Variants in SPART observed in about 807,000 individuals in gnomAD.
SPART encodes spartin, also known as spastic paraplegia 20 (Troyer syndrome).
A neutral mutation model predicts 58.7 loss-of-function variants in SPART; 35 were observed. The ratio of observed to expected loss-of-function variants is 0.60; its 90% confidence interval spans 0.46 to 0.79. The LOEUF (loss-of-function observed/expected upper bound fraction) is 0.79. Ranked by LOEUF, SPART falls within the 30% of genes least tolerant of loss-of-function variation. SPART has a pLI of 0.00. For missense variants in SPART, 730 were observed against 786.1 expected (o/e 0.93, Z 0.85); for synonymous variants, 284 against 280.7 (o/e 1.01, Z -0.12).
intron 8 of SPART, among the ~76,000 whole-genome samples, chr13:36,305,041 C>G (rs1226580124): frequency 6.6e-6 from 1 of 152,120 alleles, no homozygotes; most frequent in Non-Finnish European, 1.5e-5. Context: ...TCTACCTTAA[C>G]CAGACTTTGG....
At chr13:36,359,777 T>C (rs1274290583) in intron 1 of SPART, among the ~76,000 whole-genome samples, 2 of 152,140 alleles carry the variant, frequency 1.3e-5, no homozygotes, top group Non-Finnish European at 2.9e-5. Context: ...TTGGTGACCT[T>C]GGGCAAGTTT....
chr13:36,315,480 A>C (rs1047491044), intron 5 of SPART, among the ~76,000 whole-genome samples: 1 of 152,256 alleles, frequency 6.6e-6, no homozygotes, highest in African/African-American at 2.4e-5. Context: ...ATAAGCATCC[A>C]GCAATCATGT....
intron 8 of SPART, among the ~76,000 whole-genome samples, chr13:36,309,045 C>T (rs1880806159): frequency 6.6e-6 from 1 of 152,080 alleles, no homozygotes; most frequent in African/African-American, 2.4e-5. Context: ...GTGATCAAGA[C>T]CATCCTGGCT....
chr13:36,335,747 G>A lies in SPART; in HGVS notation c.84C>T (p.Asn28=), dbSNP rs1479737559. ...EAYKKAFLFV[N]KGLNTDELGQ... is the part of the protein sequence containing the mutation. ...CTAATTCATCTGTATTCAGACCTTT[G>A]TTAACAAATAAAAAGGCCTTCTTAT... Residue 28 remains asparagine, a synonymous_variant, in exon 2 of 9, where the codon AAC becomes AAT. Transcript: ENST00000438666. 3 of 1,613,894 alleles carry A rather than the reference G, an allele frequency of 1.9e-6. No individual in the cohort carries two copies. The highest frequency in any genetic ancestry group is 1.3e-5 in the African/African-American group (1 of 74,982).
intron 6 of SPART, 113 bp from the exon 7 acceptor site, chr13:36,312,590 G>T: frequency 8.6e-7 from 1 of 1,167,718 alleles, no homozygotes; most frequent in Non-Finnish European, 1.2e-6. Flanking sequence ...ACTATATAAT[G>T]TTACAATTTC....
chr13:36,305,628 GTTA>G (rs954061715), intron 8 of SPART, among the ~76,000 whole-genome samples: 1 of 152,064 alleles, frequency 6.6e-6, no homozygotes, highest in African/African-American at 2.4e-5. Context: ...TACAAAAGAA[GTTA>G]TTATTGATAA....
At chr13:36,337,899 T>C (rs1441845671) in intron 1 of SPART, among the ~76,000 whole-genome samples, 1 of 152,168 alleles carries the variant, frequency 6.6e-6, no homozygotes, top group Non-Finnish European at 1.5e-5. Flanking sequence ...AAAAATCATA[T>C]GCTGAGGTTG....
chr13:36,364,891 C>A (rs1885997439), intron 1 of SPART, among the ~76,000 whole-genome samples: 1 of 152,140 alleles, frequency 6.6e-6, no homozygotes, highest in South Asian at 2.1e-4. Flanking sequence ...GTCAATCAGC[C>A]CCCTTCATCC....
In SPART at chr13:36,329,507, T is replaced by C; in HGVS notation, c.1019A>G (p.Asn340Ser). ...MSDLRLQANW[N>S]RAEEENEFQI... is the part of the protein sequence containing the mutation. The stretch of plus-strand genomic sequence containing the variant: ...GAATTCATTTTCTTCTTCTGCTCTG[T>C]TCCAGTTGGCCTAGAGAATAAAGGT... The change falls in exon 4 of 9, where the codon AAC (asparagine) becomes AGC (serine). Residue 340 changes from asparagine (N) to serine (S), a missense_variant. Transcript: ENST00000438666. 6.2e-7 allele frequency: 1 copy of C among 1,614,150 alleles called. No individual in the cohort carries two copies. Among genetic ancestry groups the C allele is most frequent in the Non-Finnish European group, 8.5e-7 (1 of 1,180,006 alleles).
At chr13:36,340,098 T>C (rs1380556766) in intron 1 of SPART, among the ~76,000 whole-genome samples, 2 of 146,720 alleles carry the variant, frequency 1.4e-5, no homozygotes, top group Non-Finnish European at 3.0e-5. Context: ...AAAAAACCAA[T>C]GGGCAAAAAA....
chr13:36,344,627 G>T (rs1183704997), intron 1 of SPART, among the ~76,000 whole-genome samples: 1 of 151,884 alleles, frequency 6.6e-6, no homozygotes, highest in Non-Finnish European at 1.5e-5. Flanking sequence ...TATCCTCAGC[G>T]GTCTCAGAAA....
chr13:36,307,685 A>G (rs1224423527), intron 8 of SPART, among the ~76,000 whole-genome samples: 2 of 152,124 alleles, frequency 1.3e-5, no homozygotes, highest in Non-Finnish European at 2.9e-5. Context: ...TTGAATAGGT[A>G]CTATACCGCA....
upstream of SPART, among the ~76,000 whole-genome samples, chr13:36,349,652 C>G (rs1885336100): frequency 1.3e-5 from 2 of 152,186 alleles, no homozygotes; most frequent in Admixed American, 1.3e-4. Flanking sequence ...TTCTGTGACA[C>G]TCTTAATACT....
chr13:36,338,758 G>C (rs1012335867), intron 1 of SPART, among the ~76,000 whole-genome samples: 2 of 152,184 alleles, frequency 1.3e-5, no homozygotes, highest in African/African-American at 4.8e-5. Flanking sequence ...TTGGTAATTA[G>C]AGTTTTGGCT....
At chr13:36,327,602 G>A (rs1157548653) in intron 4 of SPART, among the ~76,000 whole-genome samples, 1 of 152,112 alleles carries the variant, frequency 6.6e-6, no homozygotes, top group East Asian at 1.9e-4. Flanking sequence ...TGTTTTACAT[G>A]CCACCATTTA....
At chr13:36,361,715 T>C (rs1885867463) in intron 1 of SPART, among the ~76,000 whole-genome samples, 1 of 152,210 alleles carries the variant, frequency 6.6e-6, no homozygotes, top group African/African-American at 2.4e-5. Flanking sequence ...AACCGCCTTT[T>C]CATTCTGATG....
chr13:36,334,748 T>A (rs1883793038), intron 2 of SPART, among the ~76,000 whole-genome samples: 1 of 152,142 alleles, frequency 6.6e-6, no homozygotes, highest in African/African-American at 2.4e-5. Flanking sequence ...CTTCTTCAGA[T>A]AAAGAATTAA....
rs1882440248 is a variant in SPART at position 36,321,879 on chromosome 13, C to T, written c.1288+4696G>A. ...CACCTTAACTGATGACATTCCACCACAAAAGAAGTGTAAATGGCCGGTCCT... is the reference window on the plus strand; with the variant it reads ...CACCTTAACTGATGACATTCCACCATAAAAGAAGTGTAAATGGCCGGTCCT... On this transcript the variant is annotated intron_variant, in intron 5 of 8. Transcript: ENST00000438666. Among the ~76,000 whole-genome samples, 12 of 152,218 alleles carry T rather than the reference C, an allele frequency of 7.9e-5. No individual in the cohort carries two copies. In the South Asian group the frequency reaches 2.5e-3, roughly 32 times the overall value.
intron 6 of SPART, among the ~76,000 whole-genome samples, chr13:36,313,765 G>A (rs1033272371): frequency 6.6e-6 from 1 of 152,140 alleles, no homozygotes; most frequent in Non-Finnish European, 1.5e-5. Context: ...GCAACGTTTA[G>A]GTTTGTGTGA....
Sources: allele counts gnomAD v4.1 joint callset (sites outside exome capture counted in the v4.1 genomes callset), GRCh38; gene constraint gnomAD v4.1.1; transcripts MANE v1.5; gene names NCBI Gene and HGNC (gene_info 2026-07-23, HGNC 2026-07-21).